Variants in PIR observed in about 807,000 individuals in gnomAD.
The protein encoded by PIR is pirin (iron-binding nuclear protein).
PIR carries 22 observed loss-of-function variants against 24.2 expected under a neutral mutation model. That is an observed-to-expected ratio of 0.91 (90% CI 0.65 to 1.30). The LOEUF (loss-of-function observed/expected upper bound fraction) is 1.30, where lower values mean the gene tolerates loss of function less well. PIR is among the 50% of genes most tolerant of loss of function. The pLI is 0.00. For missense variants in PIR, 220 were observed against 220.3 expected (o/e 1.00, Z 0.01); for synonymous variants, 80 against 79.6 (o/e 1.00, Z -0.03).
At chrX:15,386,337 T>C in intron 9 of PIR, among the ~76,000 whole-genome samples, 1 of 112,275 alleles carries the variant, frequency 8.9e-6, no homozygotes, top group Middle Eastern at 4.6e-3. Context: ...GCTGAAATCT[T>C]TGGAGAGGAT....
chrX:15,408,875 C>T (rs1471679383), intron 6 of PIR, among the ~76,000 whole-genome samples: 2 of 111,598 alleles, frequency 1.8e-5, no homozygotes, highest in Admixed American at 9.5e-5. Flanking sequence ...TGGCTTGAAA[C>T]GTTCAACTGG....
intron 5 of PIR, among the ~76,000 whole-genome samples, chrX:15,439,440 A>G (rs1925847135): frequency 8.9e-6 from 1 of 112,452 alleles, no homozygotes; most frequent in Non-Finnish European, 1.9e-5. Flanking sequence ...TTAAATGTTT[A>G]CTATGAAATT....
chrX:15,447,140 C>T lies in PIR; in HGVS notation c.480+8708G>A, dbSNP rs1337798621. ...TCCAGTAATCAGAATTTTATCTGAACCCGAATTTGCTCAACACATTTGAGT... is the reference window on the plus strand; with the variant it reads ...TCCAGTAATCAGAATTTTATCTGAATCCGAATTTGCTCAACACATTTGAGT... On this transcript the variant is annotated intron_variant, in intron 5 of 9. Transcript: ENST00000380420. Among the ~76,000 whole-genome samples the T allele has an allele frequency of 3.6e-5, 4 of 112,037 alleles. No individual in the cohort carries two copies. The East Asian group carries it at 1.1e-3, about 31-fold the overall frequency.
chrX:15,426,413 T>A (rs1054430375), intron 5 of PIR, among the ~76,000 whole-genome samples: 7 of 112,079 alleles, frequency 6.2e-5, no homozygotes, highest in Non-Finnish European at 1.3e-4. Context: ...GGCCTGCACA[T>A]ATTTTTTATT....
At chrX:15,491,883 A>G (rs906701545) in intron 1 of PIR, among the ~76,000 whole-genome samples, 7 of 111,015 alleles carry the variant, frequency 6.3e-5, no homozygotes, top group African/African-American at 2.3e-4. Flanking sequence ...TGCTTGCACA[A>G]CGACAAAATC....
At chrX:15,406,931 C>T (rs1924566113) in intron 7 of PIR, among the ~76,000 whole-genome samples, 1 of 112,354 alleles carries the variant, frequency 8.9e-6, no homozygotes, top group African/African-American at 3.2e-5. Context: ...ATTCTGGTCC[C>T]ACATCCACCA....
chrX:15,461,262 A>C (rs1300248905), intron 3 of PIR, among the ~76,000 whole-genome samples: 1 of 112,087 alleles, frequency 8.9e-6, no homozygotes, highest in Non-Finnish European at 1.9e-5. Context: ...ACCACCAAAA[A>C]GCTGCCTCAG....
intron 9 of PIR, among the ~76,000 whole-genome samples, chrX:15,388,540 A>G (rs1277545804): frequency 1.8e-5 from 2 of 112,520 alleles, no homozygotes; most frequent in Admixed American, 1.9e-4. Flanking sequence ...TAACATTAGG[A>G]AAGTGCTTTA....
chrX:15,456,790 T>C (rs959770356), intron 4 of PIR, among the ~76,000 whole-genome samples: 20 of 112,547 alleles, frequency 1.8e-4, no homozygotes, highest in Admixed American at 2.8e-4. Context: ...GTTCCAGTAA[T>C]GGAACCCTCG....
At chrX:15,452,856 G>A (rs1444786721) in intron 5 of PIR, among the ~76,000 whole-genome samples, 2 of 112,243 alleles carry the variant, frequency 1.8e-5, no homozygotes, top group Non-Finnish European at 3.8e-5. Flanking sequence ...AGTTGAAGAA[G>A]TGCTGGAATT....
intron 7 of PIR, among the ~76,000 whole-genome samples, chrX:15,401,578 G>T (rs963813178): frequency 9.0e-6 from 1 of 111,477 alleles, no homozygotes; most frequent in Non-Finnish European, 1.9e-5. Context: ...ATATCTTATT[G>T]TTTCTGACTA....
chrX:15,407,189 G>A (rs1012932813), intron 7 of PIR, among the ~76,000 whole-genome samples: 1 of 112,276 alleles, frequency 8.9e-6, no homozygotes, highest in Non-Finnish European at 1.9e-5. Flanking sequence ...GGAGTCCACT[G>A]TAGCTCCATC....
intron 7 of PIR, among the ~76,000 whole-genome samples, chrX:15,398,077 T>C (rs12560217): frequency 0.45 from 46,910 of 103,639 alleles, 9,476 homozygotes; most frequent in Non-Finnish European, 0.56. Context: ...ATAATAGCTA[T>C]TGAACTCTGA....
In PIR at chrX:15,493,272, G is replaced by C. The variant is rs928052830; in HGVS notation, c.-135C>G. 3.2e-4 allele frequency: 36 copies of C among 112,156 alleles called. No homozygotes were observed. Among genetic ancestry groups the C allele is most frequent in the African/African-American group, 1.1e-3 (34 of 30,846 alleles). 9.2% of individuals were successfully genotyped at this position (112,156 alleles called of 1,213,427 possible). ...AGCGAGTGCAGGGAGGGCAGGTTAAGAGAGTGTGGGTCCAGTAGCCTCACC... is the reference window on the plus strand; with the variant it reads ...AGCGAGTGCAGGGAGGGCAGGTTAACAGAGTGTGGGTCCAGTAGCCTCACC... On this transcript the variant is annotated 5_prime_UTR_variant, in exon 1 of 10. Coordinates refer to ENST00000380420, the MANE Select transcript of PIR (RefSeq NM_001018109.3).
intron 3 of PIR, among the ~76,000 whole-genome samples, chrX:15,467,424 A>G (rs998214381): frequency 8.9e-6 from 1 of 112,514 alleles, no homozygotes; most frequent in Non-Finnish European, 1.9e-5. Context: ...AGGAGCCAGA[A>G]CTGCAGGGAT....
intron 3 of PIR, among the ~76,000 whole-genome samples, chrX:15,470,514 T>C (rs1365291449): frequency 9.0e-6 from 1 of 111,343 alleles, no homozygotes; most frequent in African/African-American, 3.3e-5. Flanking sequence ...TTATATTTGG[T>C]GATATAAAAT....
chrX:15,437,929 T>G (rs1370273774), intron 5 of PIR, among the ~76,000 whole-genome samples: 1 of 112,655 alleles, frequency 8.9e-6, no homozygotes, highest in East Asian at 2.8e-4. Flanking sequence ...TATGAAGAAC[T>G]TTCCCTCTTA....
chrX:15,478,130 A>C (rs1353394483), intron 3 of PIR, among the ~76,000 whole-genome samples: 1 of 110,028 alleles, frequency 9.1e-6, no homozygotes, highest in Non-Finnish European at 1.9e-5. Context: ...AAATTCAGCC[A>C]GTAGTTACTA....
chrX:15,403,993 C>CTT (rs151011282), intron 7 of PIR, among the ~76,000 whole-genome samples: 1 of 89,899 alleles, frequency 1.1e-5, no homozygotes, highest in Non-Finnish European at 2.2e-5. Flanking sequence ...CCAGCATTTT[C>CTT]TTTTTTTTTT....
Sources: gnomAD v4.1 joint callset for allele counts (sites outside exome capture counted in the v4.1 genomes callset) on GRCh38, gnomAD v4.1.1 for gene constraint, MANE v1.5 for transcripts, NCBI Gene and HGNC (gene_info 2026-07-23, HGNC 2026-07-21) for gene names.